The following KIRREL3 variants were observed in gnomAD, a reference collection of about 807,000 sequenced individuals.
KIRREL3 encodes the protein kirre like nephrin family adhesion molecule 3, also known as kin of IRRE-like protein 3.
A neutral mutation model predicts 89.7 loss-of-function variants in KIRREL3; 36 were observed. That is an observed-to-expected ratio of 0.40 (90% confidence interval 0.31 to 0.53). KIRREL3 has a LOEUF of 0.53. KIRREL3 is among the 20% of genes least tolerant of loss of function. The pLI is 0.49. For missense variants in KIRREL3, 864 were observed against 1,056.6 expected (o/e 0.82, Z 2.53); for synonymous variants, 445 against 441.4 (o/e 1.01, Z -0.10).
intron 1 of KIRREL3, among the ~76,000 whole-genome samples, chr11:126,573,147 G>A (rs544005622): frequency 6.6e-6 from 1 of 152,284 alleles, no homozygotes; most frequent in Admixed American, 6.5e-5. Context: ...GGAGGCCAGG[G>A]GACAGCACGT....
Position 126,987,410 on chromosome 11 carries a change from G to C in KIRREL3, c.55+13045C>G, listed in dbSNP as rs1243754133. Among the ~76,000 whole-genome samples, 1 of 152,214 alleles carries C rather than the reference G, an allele frequency of 6.6e-6. No individual in the cohort carries two copies. Among genetic ancestry groups the C allele is most frequent in the Non-Finnish European group, 1.5e-5 (1 of 68,034 alleles). ...ATCTTAGAATATCTGTTGATAATAA[G>C]AGTGAAAGGTAGATTTCCTGTTATT... On this transcript the variant is annotated intron_variant, in intron 1 of 16. Transcript: ENST00000525144. The surrounding 1 kb of genome is among the most constrained non-coding windows in gnomAD (Gnocchi z 4.6).
At chr11:126,767,181 C>T (rs1016359256) in intron 1 of KIRREL3, among the ~76,000 whole-genome samples, 12 of 152,190 alleles carry the variant, frequency 7.9e-5, no homozygotes, top group Non-Finnish European at 1.5e-5. Context: ...AGAGAGCAAG[C>T]CTGGGAATCA....
intron 1 of KIRREL3, among the ~76,000 whole-genome samples, chr11:126,855,060 G>A (rs950639971): frequency 1.3e-5 from 2 of 152,164 alleles, no homozygotes; most frequent in South Asian, 2.1e-4. Flanking sequence ...TCATCCCAGC[G>A]GCAGTCTGGC....
chr11:126,469,554 C>T (rs1057485617), intron 5 of KIRREL3, among the ~76,000 whole-genome samples: 1 of 152,242 alleles, frequency 6.6e-6, no homozygotes, highest in South Asian at 2.1e-4. Flanking sequence ...ACTGGGTATA[C>T]TCCACATCAC....
chr11:126,461,784 C>T (rs922114764), intron 6 of KIRREL3, among the ~76,000 whole-genome samples: 9 of 152,218 alleles, frequency 5.9e-5, no homozygotes, highest in Admixed American at 6.5e-5. Context: ...GAGAGACACT[C>T]GGAGCCCAGA....
chr11:126,444,018 T>C (rs1955691824), intron 10 of KIRREL3, among the ~76,000 whole-genome samples: 1 of 152,186 alleles, frequency 6.6e-6, no homozygotes. Flanking sequence ...CGTCCGCATT[T>C]GCGTCCTGGT....
chr11:126,482,850 T>C (rs1957259682), intron 4 of KIRREL3, among the ~76,000 whole-genome samples: 1 of 152,228 alleles, frequency 6.6e-6, no homozygotes, highest in Admixed American at 6.5e-5. Flanking sequence ...CAAAGGCACA[T>C]GTGAGCCCCA....
intron 4 of KIRREL3, among the ~76,000 whole-genome samples, chr11:126,510,421 T>TTTCATTCCTTCCTTCCTTCCTTCC (rs1555129392): frequency 7.9e-6 from 1 of 126,328 alleles, no homozygotes. Context: ...CCTGACGTTG[T>TTTCATTCCTTCCTTCCTTCCTTCC]TTCCTTCCTT....
rs1958514637 is a variant in KIRREL3 at position 126,519,245 on chromosome 11, G to C, written c.433+2070C>G. On this transcript the variant is annotated intron_variant, in intron 4 of 16. Coordinates refer to ENST00000525144, the MANE Select transcript of KIRREL3 (RefSeq NM_032531.4). This position sits in a 1 kb window ranked among gnomAD's most constrained non-coding sequence, Gnocchi z 4.3. ...CGGGTCTGTTCAGGTTGGATCCTGA[G>C]GCCCTGCTCTGAGAAGCCTGGCCCC... is the stretch of plus-strand genomic sequence containing the variant. Among the ~76,000 whole-genome samples the C allele has an allele frequency of 6.6e-6, 1 of 152,208 alleles. No homozygotes were observed.
intron 4 of KIRREL3, among the ~76,000 whole-genome samples, chr11:126,510,736 A>C (rs1421493320): frequency 6.6e-6 from 1 of 152,174 alleles, no homozygotes; most frequent in African/African-American, 2.4e-5. Flanking sequence ...TGTACACAGT[A>C]TCTCTCTTAT....
Position 126,709,742 on chromosome 11 carries a change from C to T in KIRREL3, c.56-146830G>A, listed in dbSNP as rs1305327334. Among the ~76,000 whole-genome samples, 1 of 152,188 alleles carries T rather than the reference C, an allele frequency of 6.6e-6. No homozygotes were observed. The highest frequency in any genetic ancestry group is 2.4e-5 in the African/African-American group (1 of 41,434). ...TGTAGACACCTCCATCTCAGACCTCCTGCCTGCAGAATTGTGAGAAAATAA... is the reference window on the plus strand; with the variant it reads ...TGTAGACACCTCCATCTCAGACCTCTTGCCTGCAGAATTGTGAGAAAATAA... On this transcript the variant is annotated intron_variant, in intron 1 of 16. Coordinates refer to ENST00000525144, the MANE Select transcript of KIRREL3 (RefSeq NM_032531.4). This position sits in a 1 kb window ranked among gnomAD's most constrained non-coding sequence, Gnocchi z 4.0.
At chr11:126,497,289 TGAGAGA>T (rs138364553) in intron 4 of KIRREL3, among the ~76,000 whole-genome samples, 1 of 150,672 alleles carries the variant, frequency 6.6e-6, no homozygotes, top group Non-Finnish European at 1.5e-5. Context: ...GGTGTGTGTG[TGAGAGA>T]GAGAGAGAGC....
In KIRREL3 at chr11:126,755,094, C is replaced by T. The variant is rs1044972129; in HGVS notation, c.56-192182G>A. On this transcript the variant is annotated intron_variant, in intron 1 of 16. Coordinates refer to ENST00000525144, the MANE Select transcript of KIRREL3 (RefSeq NM_032531.4). This position sits in a 1 kb window ranked among gnomAD's most constrained non-coding sequence, Gnocchi z 4.3. The stretch of plus-strand genomic sequence containing the variant: ...AAAAGCATTAGGCTTTAATCTCCAG[C>T]ACTTTAGTAACCTCCTAGTTTGTTT... 1.3e-5 allele frequency among the ~76,000 whole-genome samples: 2 copies of T among 152,192 alleles called. No individual in the cohort carries two copies. Among genetic ancestry groups the T allele is most frequent in the Middle Eastern group, 3.2e-3 (1 of 316 alleles).
chr11:126,581,514 T>A (rs1198411035), intron 1 of KIRREL3, among the ~76,000 whole-genome samples: 1 of 152,234 alleles, frequency 6.6e-6, no homozygotes, highest in Non-Finnish European at 1.5e-5. Flanking sequence ...TATTCAATTT[T>A]AAAACTTTCA....
At chr11:126,934,575 T>C (rs1289199136) in intron 1 of KIRREL3, among the ~76,000 whole-genome samples, 1 of 152,090 alleles carries the variant, frequency 6.6e-6, no homozygotes, top group Non-Finnish European at 1.5e-5. Flanking sequence ...GTAGAACGTA[T>C]AGGAAACTCT....
chr11:126,956,436 C>T (rs562234804), intron 1 of KIRREL3, among the ~76,000 whole-genome samples: 2 of 152,288 alleles, frequency 1.3e-5, no homozygotes, highest in Admixed American at 1.3e-4. Context: ...CATGTCTAGT[C>T]ATTTTAATGG....
intron 7 of KIRREL3, among the ~76,000 whole-genome samples, chr11:126,456,039 G>GTTT (rs745805898): frequency 4.4e-5 from 3 of 68,308 alleles, no homozygotes; most frequent in South Asian, 4.9e-4. Flanking sequence ...TTTTGTTTTC[G>GTTT]TTTTTTTTTT....
rs1943537887 is a variant in KIRREL3, at chr11:126,620,628, T to C, written c.56-57716A>G. Among the ~76,000 whole-genome samples, 1 of 152,204 alleles carries C rather than the reference T, an allele frequency of 6.6e-6. No individual in the cohort carries two copies. On this transcript the variant is annotated intron_variant, in intron 1 of 16. Coordinates refer to ENST00000525144, the MANE Select transcript of KIRREL3 (RefSeq NM_032531.4). The surrounding 1 kb of genome is among the most constrained non-coding windows in gnomAD (Gnocchi z 4.8). Reference sequence around the variant, plus strand: ...CTTGAGAACCACTGCCCTAGGAAGTTAAATCAAAGGATTTCTCTACTAAGC... The same window carrying C: ...CTTGAGAACCACTGCCCTAGGAAGTCAAATCAAAGGATTTCTCTACTAAGC...
rs189920430 is a variant in KIRREL3, at chr11:126,525,201, C to T, written c.283+1337G>A. Among the ~76,000 whole-genome samples the T allele has an allele frequency of 1.8e-4, 27 of 152,308 alleles. No individual in the cohort carries two copies. In the East Asian group the frequency reaches 3.5e-3, roughly 20 times the overall value. ...GACCCAGCAAGACCCCAGTCCCTGA[C>T]GGAAGTTGGAAACCCACTGACCGGG... On this transcript the variant is annotated intron_variant, in intron 3 of 16. Transcript: ENST00000525144. This position sits in a 1 kb window ranked among gnomAD's most constrained non-coding sequence, Gnocchi z 5.4.
Sources: allele counts gnomAD v4.1 joint callset (sites outside exome capture counted in the v4.1 genomes callset), GRCh38; gene constraint gnomAD v4.1.1; non-coding constraint Gnocchi (gnomAD v3.1); transcripts MANE v1.5; gene names NCBI Gene and HGNC (gene_info 2026-07-23, HGNC 2026-07-21).